GAS7: variants seen among roughly 807,000 people sequenced by gnomAD.
GAS7 encodes the protein growth arrest specific 7, also known as growth arrest-specific protein 7.
GAS7 carries 28 observed loss-of-function variants against 71.1 expected under a neutral mutation model. That is an observed-to-expected ratio of 0.39 (90% CI 0.29 to 0.54). GAS7 has a LOEUF of 0.54. Among genes scored for constraint, GAS7 ranks in the 20% least tolerant of loss-of-function variants. The pLI is 0.62. For synonymous variants in GAS7, 258 were observed against 245.8 expected (o/e 1.05, Z -0.46); for missense variants, 436 against 627.8 (o/e 0.69, Z 3.27).
chr17:9,958,492 C>G (rs778356360), intron 5 of GAS7, among the ~76,000 whole-genome samples: 1 of 152,224 alleles, frequency 6.6e-6, no homozygotes. Context: ...AGCAATACCC[C>G]GTTCCCTGCT....
Position 10,046,785 on chromosome 17 carries a change from A to AAGGAAGG in GAS7, c.184-26889_184-26888insCCTTCCT, listed in dbSNP as rs2072968883. Among the ~76,000 whole-genome samples, 54 of 68,806 alleles carry AAGGAAGG rather than the reference A, an allele frequency of 7.8e-4. 1 individual carries two copies. The highest frequency in any genetic ancestry group is 1.1e-3 in the African/African-American group (13 of 11,658). The allele number at this position is 68,806 out of a possible 152,430, so 45.1% of individuals were successfully genotyped here. A position where few individuals can be genotyped will look rare whatever the true frequency, so the allele number is the denominator to read the frequency against. On this transcript the variant is annotated intron_variant, in intron 1 of 13. Coordinates refer to ENST00000432992, the MANE Select transcript of GAS7 (RefSeq NM_201433.2). The stretch of plus-strand genomic sequence containing the variant: ...AAAGAAAGAAGAGAAAGAAAGAAAG[A>AAGGAAGG]AAGGAAGGAAGGAAGGAAGGAAGGA...
rs532296813 is a variant in GAS7, at chr17:9,969,139, C to T, written c.471+538G>A. Among the ~76,000 whole-genome samples the T allele has an allele frequency of 2.0e-5, 3 of 152,282 alleles. No homozygotes were observed. The highest frequency in any genetic ancestry group is 7.2e-5 in the African/African-American group (3 of 41,548). On this transcript the variant is annotated intron_variant, in intron 4 of 13. Coordinates refer to ENST00000432992, the MANE Select transcript of GAS7 (RefSeq NM_201433.2). The surrounding 1 kb of genome is among the most constrained non-coding windows in gnomAD (Gnocchi z 5.5). ...CATGCATACCTTGAGTTGTTACTGA[C>T]GCCTAACTCACATGTTTGCATAAAC...
intron 5 of GAS7, among the ~76,000 whole-genome samples, chr17:9,954,944 T>A (rs999457909): frequency 9.2e-5 from 14 of 152,082 alleles, no homozygotes; most frequent in African/African-American, 3.4e-4. Context: ...CGCGCAGATG[T>A]CCTGGAAGCA....
chr17:10,059,980 C>T lies in GAS7; in HGVS notation c.184-40083G>A, dbSNP rs538047936. ...TTTCCCCCTGAGGGTGGGTGGGATG[C>T]CTCTGGAGAAGTGCCTGGTCCTGAT... On this transcript the variant is annotated intron_variant, in intron 1 of 13. Coordinates refer to ENST00000432992, the MANE Select transcript of GAS7 (RefSeq NM_201433.2). 1.3e-5 allele frequency among the ~76,000 whole-genome samples: 2 copies of T among 152,316 alleles called. 1 individual carries two copies. The highest frequency in any genetic ancestry group is 4.8e-5 in the African/African-American group (2 of 41,582).
At chr17:9,948,732 G>A (rs2068887162) in intron 5 of GAS7, among the ~76,000 whole-genome samples, 1 of 152,012 alleles carries the variant, frequency 6.6e-6, no homozygotes, top group Non-Finnish European at 1.5e-5. Context: ...CCCTAGCTAA[G>A]GAGCGTGAAG....
intron 1 of GAS7, among the ~76,000 whole-genome samples, chr17:10,104,174 C>T (rs1428783163): frequency 6.6e-6 from 1 of 152,190 alleles, no homozygotes; most frequent in Non-Finnish European, 1.5e-5. Context: ...CTTCCCACTC[C>T]ACTGAGCCTA....
intron 5 of GAS7, among the ~76,000 whole-genome samples, chr17:9,951,243 T>C (rs2068992386): frequency 6.6e-6 from 1 of 152,242 alleles, no homozygotes; most frequent in Admixed American, 6.5e-5. Flanking sequence ...ATGCAGTCCA[T>C]GAAAATTTCA....
intron 1 of GAS7, among the ~76,000 whole-genome samples, chr17:10,172,116 G>A (rs2074339656): frequency 6.6e-6 from 1 of 152,174 alleles, no homozygotes; most frequent in South Asian, 2.1e-4. Context: ...GGGTCTGCTT[G>A]TTTGGATTCT....
intron 1 of GAS7, among the ~76,000 whole-genome samples, chr17:10,189,933 C>A (rs2074485056): frequency 6.6e-6 from 1 of 150,444 alleles, no homozygotes; most frequent in Non-Finnish European, 1.5e-5. Flanking sequence ...AGCAAGATTC[C>A]ATCTCCCAAA....
At chr17:10,086,509 C>G (rs1339138516) in intron 1 of GAS7, among the ~76,000 whole-genome samples, 2 of 152,172 alleles carry the variant, frequency 1.3e-5, no homozygotes, top group Non-Finnish European at 2.9e-5. Context: ...TCTGGGCTTC[C>G]TCAATCGGCA....
At chr17:9,998,846 T>A (rs774242331) in intron 2 of GAS7, among the ~76,000 whole-genome samples, 17 of 152,188 alleles carry the variant, frequency 1.1e-4, no homozygotes, top group Non-Finnish European at 2.2e-4. Context: ...ATGCCCTTTT[T>A]TCATAAGTTA....
chr17:10,101,078 A>T (rs1057456036), intron 1 of GAS7, among the ~76,000 whole-genome samples: 4 of 150,950 alleles, frequency 2.6e-5, no homozygotes, highest in Non-Finnish European at 5.9e-5. Context: ...AGACCAGTCT[A>T]AGCAACATAG....
chr17:10,045,153 G>A (rs919903044), intron 1 of GAS7, among the ~76,000 whole-genome samples: 4 of 152,160 alleles, frequency 2.6e-5, no homozygotes, highest in African/African-American at 9.7e-5. Context: ...AGAGTGATGG[G>A]TGTAGACTTG....
intron 1 of GAS7, among the ~76,000 whole-genome samples, chr17:10,072,394 G>C (rs1049167401): frequency 6.6e-6 from 1 of 152,152 alleles, no homozygotes; most frequent in Admixed American, 6.5e-5. Context: ...CACTGGAGGG[G>C]ATGAGGAGCT....
chr17:10,165,819 G>T (rs553176671), intron 1 of GAS7, among the ~76,000 whole-genome samples: 4 of 152,158 alleles, frequency 2.6e-5, no homozygotes, highest in Admixed American at 6.5e-5. Flanking sequence ...CTGGAAACGG[G>T]ACACTTGTGT....
chr17:10,168,012 T>C (rs2142127669), intron 1 of GAS7, among the ~76,000 whole-genome samples: 1 of 152,252 alleles, frequency 6.6e-6, no homozygotes, highest in East Asian at 1.9e-4. Flanking sequence ...CACTACATCA[T>C]GTTGCCCAGG....
At chr17:10,120,973 T>C (rs2073900111) in intron 1 of GAS7, among the ~76,000 whole-genome samples, 1 of 152,224 alleles carries the variant, frequency 6.6e-6, no homozygotes, top group Non-Finnish European at 1.5e-5. Flanking sequence ...GGCACGCAGA[T>C]GAGTTTCGGA....
intron 1 of GAS7, among the ~76,000 whole-genome samples, chr17:10,189,420 C>T (rs1415538569): frequency 6.6e-6 from 1 of 152,124 alleles, no homozygotes; most frequent in Non-Finnish European, 1.5e-5. Context: ...CCGAAGATGC[C>T]ACCCACTTCA....
chr17:10,102,596 G>A lies in GAS7; in HGVS notation c.184-82699C>T, dbSNP rs117001179. On this transcript the variant is annotated intron_variant, in intron 1 of 13. Transcript: ENST00000432992. Reference sequence around the variant, plus strand: ...CACACCACCTTGGCTACCTATTCCAGTGGTCATCCCCTGACCTGGTATTTT... The same window carrying A: ...CACACCACCTTGGCTACCTATTCCAATGGTCATCCCCTGACCTGGTATTTT... 1.2e-3 allele frequency among the ~76,000 whole-genome samples: 190 copies of A among 152,252 alleles called. 4 individuals are homozygous for A. The East Asian group carries it at 0.033, about 26-fold the overall frequency.
Sources: gnomAD v4.1 joint callset for allele counts (sites outside exome capture counted in the v4.1 genomes callset) on GRCh38, gnomAD v4.1.1 for gene constraint, Gnocchi (gnomAD v3.1) non-coding constraint, MANE v1.5 for transcripts, NCBI Gene and HGNC (gene_info 2026-07-23, HGNC 2026-07-21) for gene names.